Variants in SMIM14 observed in about 807,000 individuals in gnomAD.
SMIM14 encodes the protein chromosome 4 open reading frame 34.
In SMIM14, 5 loss-of-function variants were observed where a neutral mutation model predicts 12.6. The observed-to-expected ratio is 0.40, with a 90% CI of 0.21 to 0.83. The LOEUF is 0.83. Ranked by LOEUF, SMIM14 falls within the 40% of genes least tolerant of loss-of-function variation. SMIM14 has a pLI of 0.37. For missense variants in SMIM14, 86 were observed against 119.1 expected (o/e 0.72, Z 1.29); for synonymous variants, 30 against 40.1 (o/e 0.75, Z 0.95).
chr4:39,625,537 G>A (rs1715664664), intron 1 of SMIM14, among the ~76,000 whole-genome samples: 1 of 152,044 alleles, frequency 6.6e-6, no homozygotes, highest in Non-Finnish European at 1.5e-5. Flanking sequence ...CACCTCCCGG[G>A]TTCCAGTGAT....
At chr4:39,571,588 A>T (rs953310098) in intron 3 of SMIM14, among the ~76,000 whole-genome samples, 7 of 152,012 alleles carry the variant, frequency 4.6e-5, no homozygotes, top group African/African-American at 1.4e-4. Context: ...CTTAAAAAAA[A>T]ATTTTTTTAA....
chr4:39,629,954 C>A (rs1025209003), intron 1 of SMIM14, among the ~76,000 whole-genome samples: 4 of 152,076 alleles, frequency 2.6e-5, no homozygotes, highest in Non-Finnish European at 4.4e-5. Context: ...AGCTGTATTA[C>A]AAAATACTGG....
chr4:39,622,679 C>A (rs1266684893), intron 1 of SMIM14, among the ~76,000 whole-genome samples: 2 of 152,242 alleles, frequency 1.3e-5, no homozygotes, highest in African/African-American at 4.8e-5. Flanking sequence ...GGATTACAGG[C>A]ATGAGTCACC....
intron 1 of SMIM14, among the ~76,000 whole-genome samples, chr4:39,618,660 A>AC (rs1444264640): frequency 2.7e-5 from 4 of 150,764 alleles, no homozygotes; most frequent in South Asian, 2.1e-4. Flanking sequence ...AAAAAAAAAA[A>AC]AAAACAAAAA....
At position 39,550,843 on chromosome 4, in the gene SMIM14, TAGTA is replaced by T. The variant is rs1320823064; in HGVS notation, c.*1279_*1282del. ...TCAGAGGATAACAAAAGACTCAATGTAGTAAATAAGTAAATAGGCATTCAAATAT... is the reference window on the plus strand; with the variant it reads ...TCAGAGGATAACAAAAGACTCAATGTAATAAGTAAATAGGCATTCAAATAT... On this transcript the variant is annotated 3_prime_UTR_variant, in exon 5 of 5. Transcript: ENST00000295958. 1 of 152,078 alleles carries T rather than the reference TAGTA, an allele frequency of 6.6e-6. No homozygotes were observed. The highest frequency in any genetic ancestry group is 1.5e-5 in the Non-Finnish European group (1 of 68,014). 9.4% of individuals were successfully genotyped at this position (152,078 alleles called of 1,614,324 possible). A position where few individuals can be genotyped will look rare whatever the true frequency, so the allele number is the denominator to read the frequency against.
At chr4:39,578,794 G>A (rs762729839) in intron 2 of SMIM14, among the ~76,000 whole-genome samples, 5 of 151,998 alleles carry the variant, frequency 3.3e-5, no homozygotes, top group African/African-American at 1.2e-4. Flanking sequence ...TCAGGAGTTC[G>A]AGACAAGCCT....
intron 2 of SMIM14, among the ~76,000 whole-genome samples, chr4:39,597,423 A>G (rs1398180354): frequency 6.7e-6 from 1 of 150,308 alleles, no homozygotes; most frequent in Non-Finnish European, 1.5e-5. Flanking sequence ...TCAGAAAGTC[A>G]TTGTCACTGG....
At chr4:39,621,833 G>A (rs928823439) in intron 1 of SMIM14, among the ~76,000 whole-genome samples, 1 of 147,176 alleles carries the variant, frequency 6.8e-6, no homozygotes, top group African/African-American at 2.5e-5. Flanking sequence ...GGAGGCGCAT[G>A]TTATCATGCT....
chr4:39,555,476 G>GC (rs754861151), intron 4 of SMIM14, among the ~76,000 whole-genome samples: 11 of 152,012 alleles, frequency 7.2e-5, no homozygotes, highest in Non-Finnish European at 1.3e-4. Context: ...CAGGTGATCC[G>GC]CCCCCCTTGG....
At chr4:39,568,695 A>G (rs982065509) in intron 3 of SMIM14, among the ~76,000 whole-genome samples, 4 of 152,248 alleles carry the variant, frequency 2.6e-5, no homozygotes, top group African/African-American at 9.6e-5. Flanking sequence ...CCAATTGAAT[A>G]GTAGTATCTA....
intron 1 of SMIM14, among the ~76,000 whole-genome samples, chr4:39,611,627 T>C (rs533388256): frequency 2.0e-5 from 3 of 151,788 alleles, no homozygotes; most frequent in South Asian, 2.1e-4. Context: ...TGAGCCGAGA[T>C]TGCCCAGCCT....
chr4:39,625,950 T>C (rs9306973), intron 1 of SMIM14, among the ~76,000 whole-genome samples: 91,098 of 152,018 alleles, frequency 0.6, 27,592 homozygotes, highest in East Asian at 0.79. Context: ...GTCCCCAGCC[T>C]CCAGGCCATG....
At chr4:39,577,937 G>T (rs991071786) in intron 2 of SMIM14, among the ~76,000 whole-genome samples, 85 of 152,064 alleles carry the variant, frequency 5.6e-4, no homozygotes, top group Non-Finnish European at 1.5e-4. Context: ...TCACAAACAG[G>T]CTATGCTCTA....
At chr4:39,614,834 A>G (rs1715160796) in intron 1 of SMIM14, among the ~76,000 whole-genome samples, 1 of 152,336 alleles carries the variant, frequency 6.6e-6, no homozygotes, top group African/African-American at 2.4e-5. Flanking sequence ...CAGTGAAAGA[A>G]CATGAATGTT....
At chr4:39,623,101 G>A (rs926006109) in intron 1 of SMIM14, among the ~76,000 whole-genome samples, 6 of 152,182 alleles carry the variant, frequency 3.9e-5, no homozygotes, top group Non-Finnish European at 7.4e-5. Flanking sequence ...CAATGTCAAC[G>A]ATCACATCTA....
intron 4 of SMIM14, among the ~76,000 whole-genome samples, chr4:39,555,778 G>A (rs1465510960): frequency 6.6e-6 from 1 of 151,982 alleles, no homozygotes; most frequent in Non-Finnish European, 1.5e-5. Context: ...TGTCTCTACT[G>A]AATAGCTAGG....
At chr4:39,568,144 T>C (rs1306275325) in intron 3 of SMIM14, among the ~76,000 whole-genome samples, 1 of 151,964 alleles carries the variant, frequency 6.6e-6, no homozygotes, top group Non-Finnish European at 1.5e-5. Context: ...CCAGGTGTGG[T>C]AGTGCATTCC....
intron 3 of SMIM14, among the ~76,000 whole-genome samples, chr4:39,569,262 C>T (rs191546562): frequency 1.3e-5 from 2 of 152,240 alleles, no homozygotes; most frequent in Non-Finnish European, 2.9e-5. Flanking sequence ...GGACTAGGTT[C>T]CCACAAAATT....
chr4:39,614,790 C>A (rs1283264433), intron 1 of SMIM14, among the ~76,000 whole-genome samples: 1 of 152,146 alleles, frequency 6.6e-6, no homozygotes, highest in Non-Finnish European at 1.5e-5. Context: ...ACAAACATGT[C>A]TGAAGCTCTC....
Sources: allele counts gnomAD v4.1 joint callset (sites outside exome capture counted in the v4.1 genomes callset), GRCh38; gene constraint gnomAD v4.1.1; transcripts MANE v1.5; gene names NCBI Gene and HGNC (gene_info 2026-07-23, HGNC 2026-07-21).